PHTF2: variants seen among roughly 807,000 people sequenced by gnomAD.
PHTF2 encodes the protein putative homeodomain transcription factor 2, also known as protein PHTF2.
Under a neutral mutation model 101.2 loss-of-function variants are expected in PHTF2, and 60 were observed. The ratio of observed to expected loss-of-function variants is 0.59; its 90% CI spans 0.48 to 0.73. The LOEUF (loss-of-function observed/expected upper bound fraction) is 0.73. Among genes scored for constraint, PHTF2 ranks in the 30% least tolerant of loss-of-function variants. PHTF2 has a pLI of 0.00. For missense variants in PHTF2, 747 were observed against 908.7 expected, an observed-to-expected ratio of 0.82 and a Z score of 2.29; for synonymous variants, 311 against 307.3, an observed-to-expected ratio of 1.01 and a Z score of -0.13.
chr7:77,879,116 A>T (rs1799189500), intron 3 of PHTF2, among the ~76,000 whole-genome samples: 1 of 152,182 alleles, frequency 6.6e-6, no homozygotes, highest in Non-Finnish European at 1.5e-5. Flanking sequence ...TGTACATTTT[A>T]TCTTACAGAC....
At chr7:77,911,131 T>C (rs1394406355) in intron 9 of PHTF2, among the ~76,000 whole-genome samples, 1 of 152,190 alleles carries the variant, frequency 6.6e-6, no homozygotes, top group Non-Finnish European at 1.5e-5. Flanking sequence ...TATATTATAG[T>C]ATGTGATTCT....
At chr7:77,847,716 A>G (rs773969341) in intron 2 of PHTF2, among the ~76,000 whole-genome samples, 1 of 152,202 alleles carries the variant, frequency 6.6e-6, no homozygotes, top group Non-Finnish European at 1.5e-5. Flanking sequence ...CAAACATTCT[A>G]ATTATACCCT....
chr7:77,872,002 G>T (rs1204903721), intron 3 of PHTF2, among the ~76,000 whole-genome samples: 1 of 152,172 alleles, frequency 6.6e-6, no homozygotes, highest in African/African-American at 2.4e-5. Flanking sequence ...GATGGAAAAG[G>T]TTCAATATAA....
chr7:77,876,840 A>C (rs1361101021), intron 3 of PHTF2, among the ~76,000 whole-genome samples: 1 of 152,260 alleles, frequency 6.6e-6, no homozygotes, highest in Non-Finnish European at 1.5e-5. Context: ...GCACCACTGC[A>C]TAATTTAAGA....
intron 7 of PHTF2, among the ~76,000 whole-genome samples, chr7:77,905,544 G>A (rs1801776547): frequency 1.3e-5 from 2 of 152,062 alleles, no homozygotes; most frequent in African/African-American, 4.8e-5. Context: ...TGTTGCTCAG[G>A]CTGGAGTGCG....
chr7:77,827,096 A>C (rs1222124882), intron 1 of PHTF2, among the ~76,000 whole-genome samples: 3 of 152,214 alleles, frequency 2.0e-5, no homozygotes, highest in African/African-American at 4.8e-5. Flanking sequence ...CTTTCATAGC[A>C]GGAAGTCATG....
At position 77,852,119 on chromosome 7, in the gene PHTF2, G is replaced by T. The variant is rs189705880; in HGVS notation, c.46-2614G>T. Among the ~76,000 whole-genome samples the T allele has an allele frequency of 5.9e-5, 9 of 152,168 alleles. No individual in the cohort carries two copies. The East Asian group carries it at 1.7e-3, about 29-fold the overall frequency. On this transcript the variant is annotated intron_variant, in intron 2 of 19. Coordinates refer to ENST00000416283, the Ensembl canonical transcript of PHTF2. Reference sequence around the variant, plus strand: ...TAACTCACTGCAGCCTTGAATTCCTGGGCTCAAGCAATCCTCCTGCCTCAG... The same window carrying T: ...TAACTCACTGCAGCCTTGAATTCCTTGGCTCAAGCAATCCTCCTGCCTCAG...
chr7:77,929,311 A>G (rs1017986938), exon 12 of PHTF2: 1 of 1,590,094 alleles, frequency 6.3e-7, no homozygotes, highest in African/African-American at 1.3e-5. Flanking sequence ...GAATATAGAG[A>G]TGACCCTTTT....
At chr7:77,954,814 A>T in intron 19 of PHTF2, 44 bp from the exon 19 acceptor site, 4 of 1,133,498 alleles carry the variant, frequency 3.5e-6, no homozygotes, top group Non-Finnish European at 3.9e-6. Flanking sequence ...TTAAGCTTTG[A>T]TATTAAAACT....
At chr7:77,935,518 C>A (rs1805044445) in intron 12 of PHTF2, among the ~76,000 whole-genome samples, 1 of 152,162 alleles carries the variant, frequency 6.6e-6, no homozygotes, top group South Asian at 2.1e-4. Context: ...AGCCACCGCG[C>A]CCGGCGTAAT....
At chr7:77,868,883 A>G (rs1798294554) in intron 3 of PHTF2, among the ~76,000 whole-genome samples, 1 of 152,228 alleles carries the variant, frequency 6.6e-6, no homozygotes, top group Non-Finnish European at 1.5e-5. Context: ...GTTCTAGCAC[A>G]GTATCTGAGA....
chr7:77,821,095 G>T (rs1018338199), intron 1 of PHTF2, among the ~76,000 whole-genome samples: 16 of 150,884 alleles, frequency 1.1e-4, no homozygotes, highest in African/African-American at 3.4e-4. Flanking sequence ...CTGAAAGATA[G>T]CTTTGCTGGA....
chr7:77,909,127 G>T, intron 8 of PHTF2, 169 bp downstream of exon 7: 9 of 473,394 alleles, frequency 1.9e-5, no homozygotes, highest in East Asian at 6.9e-5. Flanking sequence ...TTCCATATTT[G>T]CTTCAAGGCC....
intron 1 of PHTF2, among the ~76,000 whole-genome samples, chr7:77,830,485 C>A (rs1300910980): frequency 6.6e-6 from 1 of 152,204 alleles, no homozygotes; most frequent in Admixed American, 6.5e-5. Context: ...CCATTACCAT[C>A]TGAGCTCTGC....
rs73703836 is a variant in PHTF2 at position 77,840,332 on chromosome 7, A to G, written c.45+32A>G. ...TGATAGTCAAAACTTTTAGCTTTCT[A>G]AATGTTTGAATTTCAAAAATACATG... is the stretch of plus-strand genomic sequence containing the variant. On this transcript the variant is annotated intron_variant, in intron 2 of 19. Transcript: ENST00000416283. The G allele has an allele frequency of 1.4e-3, 2,004 of 1,419,720 alleles. 10 individuals carry two copies. In the African/African-American group the frequency reaches 0.021, roughly 15 times the overall value. 87.9% of individuals were successfully genotyped at this position (1,419,720 alleles called of 1,614,324 possible). A position where few individuals can be genotyped will look rare whatever the true frequency, so the allele number is the denominator to read the frequency against.
intron 16 of PHTF2, among the ~76,000 whole-genome samples, chr7:77,947,703 A>G (rs1806175428): frequency 6.6e-6 from 1 of 152,148 alleles, no homozygotes; most frequent in African/African-American, 2.4e-5. Flanking sequence ...GTTTATTTAA[A>G]AAAATAAGTA....
At chr7:77,885,052 C>T (rs1223760405) in intron 3 of PHTF2, among the ~76,000 whole-genome samples, 1 of 152,168 alleles carries the variant, frequency 6.6e-6, no homozygotes. Context: ...TGGAAAGAGT[C>T]ACCAAGGGCT....
At chr7:77,905,024 G>A (rs1037442341) in intron 7 of PHTF2, among the ~76,000 whole-genome samples, 3 of 151,950 alleles carry the variant, frequency 2.0e-5, no homozygotes, top group South Asian at 2.1e-4. Flanking sequence ...ATCAGCTATC[G>A]TTAGTGTTAG....
intron 3 of PHTF2, among the ~76,000 whole-genome samples, chr7:77,888,925 G>A (rs928007091): frequency 1.4e-4 from 22 of 152,142 alleles, no homozygotes; most frequent in African/African-American, 4.6e-4. Context: ...TGCATTATTC[G>A]TGTTTAGAGG....
Sources: allele counts gnomAD v4.1 joint callset (sites outside exome capture counted in the v4.1 genomes callset), GRCh38; gene constraint gnomAD v4.1.1; transcripts MANE v1.5; gene names NCBI Gene and HGNC (gene_info 2026-07-23, HGNC 2026-07-21).